Variants in ARMC8 observed in about 807,000 individuals in gnomAD.
ARMC8 encodes the protein armadillo repeat containing 8.
ARMC8 carries 20 observed loss-of-function variants against 99.3 expected under a neutral mutation model. That is an observed-to-expected ratio of 0.20 (90% CI 0.14 to 0.29). ARMC8 has a LOEUF of 0.29. Ranked by LOEUF, ARMC8 falls within the 10% of genes least tolerant of loss-of-function variation. The pLI is 1.00. For synonymous variants in ARMC8, 263 were observed against 278.3 expected (o/e 0.95, Z 0.55); for missense variants, 569 against 809.5 (o/e 0.70, Z 3.60).
intron 2 of ARMC8, among the ~76,000 whole-genome samples, chr3:138,218,567 A>ATTT (rs2045215732): frequency 6.6e-6 from 1 of 152,176 alleles, no homozygotes; most frequent in Admixed American, 6.5e-5. Context: ...TCTAAGGTTT[A>ATTT]TCTTAGTTCT....
Position 138,284,684 on chromosome 3 carries a change from A to G in ARMC8, c.1821+158A>G, listed in dbSNP as rs191042295. On this transcript the variant is annotated intron_variant, in intron 19 of 21. Transcript: ENST00000469044. ...ACTCTCTTCCATCCTGAAGAAAAAG[A>G]AAAAAACACCAACTCCTTGAAGCTT... is the stretch of plus-strand genomic sequence containing the variant. Among the ~76,000 whole-genome samples the G allele has an allele frequency of 2.3e-3, 322 of 138,484 alleles. 1 individual carries two copies. The highest frequency in any genetic ancestry group is 3.3e-3 in the South Asian group (16 of 4,816). The allele number at this position is 138,484 out of a possible 152,430, so 90.9% of individuals were successfully genotyped here. A position where few individuals can be genotyped will look rare whatever the true frequency, so the allele number is the denominator to read the frequency against.
At chr3:138,259,397 A>G (rs1302141151) in intron 12 of ARMC8, among the ~76,000 whole-genome samples, 1 of 152,158 alleles carries the variant, frequency 6.6e-6, no homozygotes, top group African/African-American at 2.4e-5. Flanking sequence ...CTTTGTATCC[A>G]TACACAGACG....
intron 18 of ARMC8, 92 bp downstream of exon 18, chr3:138,274,636 G>T: frequency 1.1e-6 from 1 of 915,166 alleles, no homozygotes. Flanking sequence ...ATCTGCAGAA[G>T]ACAGAGTGCT....
chr3:138,204,494 C>T (rs998363065), intron 1 of ARMC8, among the ~76,000 whole-genome samples: 1 of 152,142 alleles, frequency 6.6e-6, no homozygotes, highest in Non-Finnish European at 1.5e-5. Flanking sequence ...TCTTTACTCC[C>T]CTTTACAGTG....
chr3:138,194,430 C>T (rs1288981742), intron 1 of ARMC8, among the ~76,000 whole-genome samples: 10 of 142,732 alleles, frequency 7.0e-5, no homozygotes, highest in Middle Eastern at 4.3e-3. Flanking sequence ...CTCCGCCTCC[C>T]AGGTTCACAC....
intron 12 of ARMC8, chr3:138,246,380 T>A: frequency 1.0e-6 from 1 of 985,464 alleles, no homozygotes; most frequent in East Asian, 1.1e-4. Flanking sequence ...TATAAACTGT[T>A]ATTTCAAAGC....
At chr3:138,271,655 A>G (rs1348981837) in intron 16 of ARMC8, among the ~76,000 whole-genome samples, 1 of 152,202 alleles carries the variant, frequency 6.6e-6, no homozygotes, top group East Asian at 1.9e-4. Context: ...CTTGACACAT[A>G]GAGTATTCTT....
chr3:138,207,075 A>G (rs2044412607), intron 1 of ARMC8, among the ~76,000 whole-genome samples: 4 of 152,308 alleles, frequency 2.6e-5, no homozygotes, highest in Admixed American at 2.0e-4. Flanking sequence ...AGTGCCAGCA[A>G]CTAGTATACT....
At chr3:138,288,635 CTTT>C (rs547726493) in intron 19 of ARMC8, among the ~76,000 whole-genome samples, 7 of 109,668 alleles carry the variant, frequency 6.4e-5, no homozygotes, top group Admixed American at 1.0e-4. Flanking sequence ...CTTCTTCAGA[CTTT>C]TTTTTTTTTT....
chr3:138,237,795 A>G (rs953628590), intron 9 of ARMC8, among the ~76,000 whole-genome samples: 1 of 152,170 alleles, frequency 6.6e-6, no homozygotes, highest in African/African-American at 2.4e-5. Flanking sequence ...AACATCTGAG[A>G]CTGTCTTCAG....
intron 5 of ARMC8, among the ~76,000 whole-genome samples, chr3:138,227,813 G>A (rs1397008109): frequency 6.6e-6 from 1 of 152,176 alleles, no homozygotes; most frequent in African/African-American, 2.4e-5. Context: ...ATCAGAGTCT[G>A]TACATTAAGT....
Position 138,188,678 on chromosome 3 carries a change from A to G in ARMC8, c.45+1079A>G. On this transcript the variant is annotated intron_variant, in intron 1 of 21. Coordinates refer to ENST00000469044, the MANE Select transcript of ARMC8 (RefSeq NM_001363941.2). The stretch of plus-strand genomic sequence containing the variant: ...GTCGGGTTCCTAGAGTCTTGTAACT[A>G]CAACCGGTTTCTTTTCTCTTCTCTG... 3 of 1,034,708 alleles carry G rather than the reference A, an allele frequency of 2.9e-6. No individual in the cohort carries two copies. In the East Asian group the frequency reaches 7.3e-5, roughly 25 times the overall value. The allele number at this position is 1,034,708 out of a possible 1,614,324, so 64.1% of individuals were successfully genotyped here.
intron 18 of ARMC8, among the ~76,000 whole-genome samples, chr3:138,278,507 A>G (rs940084149): frequency 2.6e-5 from 4 of 152,164 alleles, no homozygotes; most frequent in African/African-American, 9.7e-5. Flanking sequence ...CCATCTCAAA[A>G]AAAAAAAGAT....
At chr3:138,222,241 T>C (rs1030319652) in intron 3 of ARMC8, among the ~76,000 whole-genome samples, 3 of 152,226 alleles carry the variant, frequency 2.0e-5, no homozygotes, top group Non-Finnish European at 4.4e-5. Context: ...TTTGACCTGA[T>C]GACAAAAGGG....
At chr3:138,244,967 A>G in intron 11 of ARMC8, 121 bp from the exon 12 acceptor site, 2 of 1,206,612 alleles carry the variant, frequency 1.7e-6, no homozygotes, top group Non-Finnish European at 2.3e-6. Flanking sequence ...AAATGTAGTT[A>G]ATGACTGGGA....
At chr3:138,231,943 A>C in intron 6 of ARMC8, among the ~76,000 whole-genome samples, 1 of 123,674 alleles carries the variant, frequency 8.1e-6, no homozygotes, top group Admixed American at 8.6e-5. Flanking sequence ...TCAGCCACTA[A>C]TTCTTTCCTT....
intron 12 of ARMC8, among the ~76,000 whole-genome samples, chr3:138,257,221 C>T (rs1014165491): frequency 2.0e-5 from 3 of 152,230 alleles, no homozygotes; most frequent in Non-Finnish European, 2.9e-5. Flanking sequence ...TTACTTGATT[C>T]GTGGAATACC....
rs1037048017 is a variant in ARMC8, at chr3:138,213,870, T to C, written c.122+3977T>C. Among the ~76,000 whole-genome samples the C allele has an allele frequency of 3.3e-5, 5 of 152,124 alleles. No individual in the cohort carries two copies. In the East Asian group the frequency reaches 9.6e-4, roughly 29 times the overall value. ...ATGTTAGTGAATTTCAATGAAAAGATTAACAGAGGCCAGGCATGGTGACTC... is the reference window on the plus strand; with the variant it reads ...ATGTTAGTGAATTTCAATGAAAAGACTAACAGAGGCCAGGCATGGTGACTC... On this transcript the variant is annotated intron_variant, in intron 2 of 21. Coordinates refer to ENST00000469044, the MANE Select transcript of ARMC8 (RefSeq NM_001363941.2).
chr3:138,294,181 T>TA (rs1230716142), intron 21 of ARMC8, among the ~76,000 whole-genome samples: 1 of 152,226 alleles, frequency 6.6e-6, no homozygotes, highest in East Asian at 1.9e-4. Flanking sequence ...TTAAGTACAG[T>TA]AAGGTCTATC....
Sources: gnomAD v4.1 joint callset for allele counts (sites outside exome capture counted in the v4.1 genomes callset) on GRCh38, gnomAD v4.1.1 for gene constraint, MANE v1.5 for transcripts, NCBI Gene and HGNC (gene_info 2026-07-23, HGNC 2026-07-21) for gene names.